Variants in TTC12 observed in about 807,000 individuals in gnomAD.
TTC12 encodes tetratricopeptide repeat domain 12, also known as tetratricopeptide repeat protein 12.
Under a neutral mutation model 90.1 loss-of-function variants are expected in TTC12, and 70 were observed. That is an observed-to-expected ratio of 0.78 (90% CI 0.64 to 0.95). The LOEUF (loss-of-function observed/expected upper bound fraction) is 0.95, where lower values mean the gene tolerates loss of function less well. Ranked by LOEUF, TTC12 falls within the 40% of genes least tolerant of loss-of-function variation. The pLI is 0.00. For synonymous variants in TTC12, 296 were observed against 311.5 expected, an observed-to-expected ratio of 0.95 and a Z score of 0.53; for missense variants, 819 against 846.1, an observed-to-expected ratio of 0.97 and a Z score of 0.40.
At chr11:113,338,676 A>C (rs1948510793) in intron 8 of TTC12, 98 bp from the exon 9 acceptor site, 1 of 863,704 alleles carries the variant, frequency 1.2e-6, no homozygotes, top group African/African-American at 1.7e-5. Flanking sequence ...GGAGGTGAGG[A>C]GAAAATAATG....
chr11:113,329,762 A>G, intron 6 of TTC12, 158 bp from the exon 7 acceptor site: 1 of 703,868 alleles, frequency 1.4e-6, no homozygotes, highest in Non-Finnish European at 2.6e-6. Flanking sequence ...TCAGTTGCCC[A>G]GTGCAAGTGT....
chr11:113,359,580 G>C, intron 17 of TTC12, 119 bp downstream of exon 17: 4 of 730,010 alleles, frequency 5.5e-6, no homozygotes, highest in Non-Finnish European at 9.5e-6. Context: ...CACTGGCCGT[G>C]GAATGGGAAA....
At chr11:113,333,009 C>T (rs1208053182) in intron 7 of TTC12, among the ~76,000 whole-genome samples, 1 of 152,090 alleles carries the variant, frequency 6.6e-6, no homozygotes, top group African/African-American at 2.4e-5. Flanking sequence ...GATATTAGCC[C>T]TTGTTCTAAG....
At chr11:113,319,767 C>T (rs1039023123) in intron 2 of TTC12, among the ~76,000 whole-genome samples, 3 of 151,600 alleles carry the variant, frequency 2.0e-5, no homozygotes, top group Non-Finnish European at 4.4e-5. Context: ...GGTTTTCGTG[C>T]TGGAAAGGAC....
chr11:113,334,988 CA>C lies in TTC12; in HGVS notation c.528del (p.Tyr177IlefsTer11), dbSNP rs1555143588. 1.2e-6 allele frequency: 2 copies of C among 1,613,800 alleles called. No homozygotes were observed. On this transcript the variant is annotated frameshift_variant, in exon 8 of 22. Transcript: ENST00000529221. LOFTEE classifies it high-confidence loss of function. The stretch of plus-strand genomic sequence containing the variant: ...CAGTGTGATGAAAAATGCACAAAAG[CA>C]TATTTTCACATGGGAAAAGCCAACC... ...ALKCDEKCTKAYFHMGKANLA... is the reference protein window; with the variant it reads ...ALKCDEKCTKXYFHMGKANLA...
chr11:113,364,277 T>A (rs1217356303), intron 20 of TTC12: 2 of 245,126 alleles, frequency 8.2e-6, no homozygotes, highest in Non-Finnish European at 1.6e-5. Flanking sequence ...AATATCAGAG[T>A]CTGAGCCTAG....
intron 20 of TTC12, 144 bp from the exon 21 acceptor site, chr11:113,364,691 A>T: frequency 1.5e-6 from 1 of 656,968 alleles, no homozygotes; most frequent in Non-Finnish European, 2.7e-6. Flanking sequence ...ATGTTTGCTG[A>T]TGAGTAAGTG....
intron 3 of TTC12, 31 bp downstream of exon 3, chr11:113,323,482 T>C: frequency 6.7e-7 from 1 of 1,491,274 alleles, no homozygotes; most frequent in Non-Finnish European, 8.9e-7. Context: ...GTTATATAAG[T>C]ACTTACAGTG....
At chr11:113,350,260 C>A in intron 14 of TTC12, 95 bp downstream of exon 14, 1 of 934,880 alleles carries the variant, frequency 1.1e-6, no homozygotes, top group Non-Finnish European at 1.7e-6. Flanking sequence ...GAGGCTAGGC[C>A]AAGTCTCCAA....
chr11:113,326,313 G>A (rs1947692057), intron 6 of TTC12, among the ~76,000 whole-genome samples: 1 of 152,178 alleles, frequency 6.6e-6, no homozygotes, highest in African/African-American at 2.4e-5. Context: ...ACCATCACCT[G>A]TGACCTTATC....
chr11:113,334,221 G>A (rs1948221775), intron 7 of TTC12, among the ~76,000 whole-genome samples: 1 of 152,170 alleles, frequency 6.6e-6, no homozygotes, highest in South Asian at 2.1e-4. Flanking sequence ...TTCAATAAAT[G>A]TTCATCAACT....
intron 6 of TTC12, among the ~76,000 whole-genome samples, chr11:113,326,984 A>G (rs1947734593): frequency 6.6e-6 from 1 of 152,238 alleles, no homozygotes. Context: ...TAGAATAATT[A>G]TAGTTCCTTC....
chr11:113,344,189 T>C, intron 12 of TTC12, 83 bp from the exon 13 acceptor site: 1 of 1,434,954 alleles, frequency 7.0e-7, no homozygotes, highest in Non-Finnish European at 9.5e-7. Flanking sequence ...ACCAGTTGAG[T>C]TTCCCATTAG....
chr11:113,343,744 G>A (rs1197864930), intron 12 of TTC12, among the ~76,000 whole-genome samples: 1 of 152,198 alleles, frequency 6.6e-6, no homozygotes, highest in African/African-American at 2.4e-5. Flanking sequence ...CACCCTGGAA[G>A]AGCTTATGTT....
intron 6 of TTC12, among the ~76,000 whole-genome samples, chr11:113,328,578 G>C (rs572755769): frequency 6.6e-6 from 1 of 151,788 alleles, no homozygotes; most frequent in African/African-American, 2.4e-5. Context: ...TGCTGTGCTC[G>C]GGAGGACAGA....
chr11:113,369,662 C>T (rs1245828416), downstream of TTC12, among the ~76,000 whole-genome samples: 1 of 152,134 alleles, frequency 6.6e-6, no homozygotes, highest in Non-Finnish European at 1.5e-5. Flanking sequence ...ACATTCCTCT[C>T]CTTACTAAGT....
At chr11:113,342,993 T>C (rs1948762935) in intron 12 of TTC12, among the ~76,000 whole-genome samples, 2 of 152,246 alleles carry the variant, frequency 1.3e-5, no homozygotes, top group South Asian at 4.1e-4. Flanking sequence ...AAGTTACATT[T>C]TTTTATCATC....
At chr11:113,357,754 T>C (rs1949704284) in intron 16 of TTC12, among the ~76,000 whole-genome samples, 1 of 152,242 alleles carries the variant, frequency 6.6e-6, no homozygotes, top group African/African-American at 2.4e-5. Flanking sequence ...GGACTTGTAT[T>C]GGGCCTCAAC....
intron 15 of TTC12, among the ~76,000 whole-genome samples, chr11:113,351,841 C>T (rs1258033876): frequency 1.3e-5 from 2 of 152,222 alleles, no homozygotes; most frequent in Non-Finnish European, 2.9e-5. Context: ...CAGGTCCCTC[C>T]AGCTGGTTGG....
Sources: allele counts gnomAD v4.1 joint callset (sites outside exome capture counted in the v4.1 genomes callset), GRCh38; gene constraint gnomAD v4.1.1; transcripts MANE v1.5; gene names NCBI Gene and HGNC (gene_info 2026-07-23, HGNC 2026-07-21).